Variants in DAB1 observed in about 807,000 individuals in gnomAD.
DAB1 encodes DAB adaptor protein 1.
In DAB1, 15 loss-of-function variants were observed where a neutral mutation model predicts 64.6. The ratio of observed to expected loss-of-function variants is 0.23; its 90% CI spans 0.16 to 0.36. The LOEUF (loss-of-function observed/expected upper bound fraction) is 0.36, where lower values mean the gene tolerates loss of function less well. DAB1 is among the 10% of genes least tolerant of loss of function. The pLI is 1.00. For missense variants in DAB1, 596 were observed against 706.7 expected (o/e 0.84, Z 1.78); for synonymous variants, 235 against 251.9 (o/e 0.93, Z 0.64).
chr1:57,698,181 G>A (rs1646867192), intron 6 of DAB1, among the ~76,000 whole-genome samples: 1 of 151,656 alleles, frequency 6.6e-6, no homozygotes. Context: ...CAAATTCCTG[G>A]GCTCAAGGAA....
intron 7 of DAB1, among the ~76,000 whole-genome samples, chr1:57,496,682 CAAAT>C (rs1238699023): frequency 5.9e-5 from 9 of 152,120 alleles, no homozygotes; most frequent in Non-Finnish European, 1.3e-4. Flanking sequence ...ACATTCATAA[CAAAT>C]AAATTTTAGA....
intron 1 of DAB1, among the ~76,000 whole-genome samples, chr1:57,357,503 G>A (rs1156892021): frequency 7.0e-6 from 1 of 141,950 alleles, no homozygotes; most frequent in African/African-American, 2.6e-5. Flanking sequence ...TCATTGTAGA[G>A]ATCTTCACCT....
intron 4 of DAB1, among the ~76,000 whole-genome samples, chr1:58,296,189 AAGAAAG>A (rs1305711227): frequency 0.01 from 1,339 of 131,632 alleles, 13 homozygotes; most frequent in Non-Finnish European, 0.012. Flanking sequence ...AAGAAAGAGA[AAGAAAG>A]AGAAAGAAAG....
intron 3 of DAB1, among the ~76,000 whole-genome samples, chr1:58,437,883 T>C (rs1044995301): frequency 2.0e-5 from 3 of 152,142 alleles, no homozygotes; most frequent in Non-Finnish European, 4.4e-5. Context: ...GTAGCCCATC[T>C]CCACGTCCTA....
intron 6 of DAB1, among the ~76,000 whole-genome samples, chr1:57,721,970 G>C (rs1008603771): frequency 1.3e-5 from 2 of 152,150 alleles, no homozygotes; most frequent in Non-Finnish European, 2.9e-5. Context: ...TTTTAAACCA[G>C]AGCTATTTTA....
intron 3 of DAB1, among the ~76,000 whole-genome samples, chr1:57,141,639 T>C (rs1570767061): frequency 6.6e-6 from 1 of 152,160 alleles, no homozygotes; most frequent in East Asian, 1.9e-4. Flanking sequence ...TTTTGGTTCT[T>C]TCAGGACTCT....
At chr1:58,431,868 A>G (rs771184511) in intron 3 of DAB1, among the ~76,000 whole-genome samples, 3 of 152,132 alleles carry the variant, frequency 2.0e-5, no homozygotes, top group Non-Finnish European at 4.4e-5. Flanking sequence ...AACTGATGAG[A>G]TGTGAACAAC....
chr1:57,457,164 TC>T (rs1279816449), intron 7 of DAB1, among the ~76,000 whole-genome samples: 1 of 152,102 alleles, frequency 6.6e-6, no homozygotes, highest in Non-Finnish European at 1.5e-5. Context: ...TATCAGAGTA[TC>T]AGAGACCCTT....
chr1:57,949,446 G>A (rs1024331719), intron 5 of DAB1, among the ~76,000 whole-genome samples: 1 of 151,138 alleles, frequency 6.6e-6, no homozygotes, highest in Non-Finnish European at 1.5e-5. Context: ...AGATGCCTGT[G>A]TTAAGCAATT....
At chr1:57,012,283 C>A (rs1646289314) in intron 12 of DAB1, among the ~76,000 whole-genome samples, 1 of 152,212 alleles carries the variant, frequency 6.6e-6, no homozygotes, top group Admixed American at 6.5e-5. Context: ...TATTTCCTAA[C>A]TTATTATTTA....
intron 1 of DAB1, among the ~76,000 whole-genome samples, chr1:57,393,235 T>G (rs79106386): frequency 6.6e-6 from 1 of 152,200 alleles, no homozygotes; most frequent in East Asian, 1.9e-4. Flanking sequence ...GACAGCTAAA[T>G]GAGCATTTAG....
rs533533339 is a variant in DAB1, at chr1:58,055,911, T to C, written n.387+94600A>G. On this transcript the variant is annotated intron_variant and non_coding_transcript_variant, in intron 5 of 20. Transcript: ENST00000485760. ...TTATTATTATTATTATTATTATTTG[T>C]ATTTTTTGTATAGACAGGGTCTCCC... Among the ~76,000 whole-genome samples, 614 of 151,614 alleles carry C rather than the reference T, an allele frequency of 4.0e-3. 4 individuals carry two copies. Among genetic ancestry groups the C allele is most frequent in the African/African-American group, 0.014 (589 of 41,364 alleles).
chr1:57,380,882 C>A (rs965414259), intron 1 of DAB1, among the ~76,000 whole-genome samples: 1 of 152,096 alleles, frequency 6.6e-6, no homozygotes. Context: ...CCAGGCCTAG[C>A]ACATGCAGCA....
chr1:58,289,217 T>C (rs1661759470), intron 4 of DAB1, among the ~76,000 whole-genome samples: 1 of 152,182 alleles, frequency 6.6e-6, no homozygotes, highest in Non-Finnish European at 1.5e-5. Flanking sequence ...CCTTGATTTG[T>C]AGAGAATTTT....
intron 7 of DAB1, among the ~76,000 whole-genome samples, chr1:57,647,699 T>G (rs916108445): frequency 6.6e-6 from 1 of 152,218 alleles, no homozygotes; most frequent in African/African-American, 2.4e-5. Context: ...TACCCAGATG[T>G]TATTTCCATC....
At chr1:57,550,809 T>C (rs1644905558) in intron 7 of DAB1, among the ~76,000 whole-genome samples, 1 of 152,240 alleles carries the variant, frequency 6.6e-6, no homozygotes. Context: ...TAGTTTAGTA[T>C]CTTGTCTGAG....
chr1:57,140,641 T>G (rs946515280), intron 3 of DAB1, among the ~76,000 whole-genome samples: 1 of 152,194 alleles, frequency 6.6e-6, no homozygotes, highest in Non-Finnish European at 1.5e-5. Context: ...GTTTCTCACC[T>G]CATAAGAGTG....
chr1:57,085,687 A>G (rs1652999899), intron 4 of DAB1, among the ~76,000 whole-genome samples: 1 of 152,246 alleles, frequency 6.6e-6, no homozygotes, highest in South Asian at 2.1e-4. Context: ...TTACCTGGCT[A>G]ATATCTGCTG....
At chr1:57,628,435 C>A (rs1303440655) in intron 7 of DAB1, among the ~76,000 whole-genome samples, 3 of 152,146 alleles carry the variant, frequency 2.0e-5, no homozygotes, top group East Asian at 1.9e-4. Flanking sequence ...AACTCATGAA[C>A]CTTAAGTCAG....
Sources: gnomAD v4.1 joint callset for allele counts (sites outside exome capture counted in the v4.1 genomes callset) on GRCh38, gnomAD v4.1.1 for gene constraint, MANE v1.5 for transcripts, NCBI Gene and HGNC (gene_info 2026-07-23, HGNC 2026-07-21) for gene names.